SDK1: variants seen among roughly 807,000 people sequenced by gnomAD.
SDK1 encodes the protein sidekick cell adhesion molecule 1, also known as protein sidekick-1.
Under a neutral mutation model 245.5 loss-of-function variants are expected in SDK1, and 157 were observed. The ratio of observed to expected loss-of-function variants is 0.64; its 90% CI spans 0.56 to 0.73. The LOEUF (loss-of-function observed/expected upper bound fraction) is 0.73, where lower values mean the gene tolerates loss of function less well. Ranked by LOEUF, SDK1 falls within the 30% of genes least tolerant of loss-of-function variation. SDK1 has a pLI of 0.00. For missense variants in SDK1, 3,583 were observed against 3,002.3 expected (o/e 1.19, Z -4.52); for synonymous variants, 1,647 against 1,278.5 (o/e 1.29, Z -6.15).
intron 19 of SDK1, among the ~76,000 whole-genome samples, chr7:4,066,467 C>T (rs753064285): frequency 3.3e-5 from 5 of 152,196 alleles, no homozygotes; most frequent in Non-Finnish European, 7.3e-5. Context: ...ACGCCAGCCT[C>T]CCCAAAAGCG....
chr7:3,813,165 G>C (rs905853421), intron 4 of SDK1, among the ~76,000 whole-genome samples: 1 of 149,902 alleles, frequency 6.7e-6, no homozygotes, highest in Non-Finnish European at 1.5e-5. Flanking sequence ...CATTGTGCAG[G>C]TTAGTTACAT....
At chr7:3,551,624 T>C (rs1308506971) in intron 1 of SDK1, among the ~76,000 whole-genome samples, 1 of 152,128 alleles carries the variant, frequency 6.6e-6, no homozygotes, top group African/African-American at 2.4e-5. Context: ...AACATCAATT[T>C]GGCTGACCTT....
intron 17 of SDK1, among the ~76,000 whole-genome samples, chr7:4,031,965 T>C (rs1787851357): frequency 1.3e-5 from 2 of 150,438 alleles, no homozygotes; most frequent in Admixed American, 1.3e-4. Flanking sequence ...AGGCAGAGGT[T>C]GCAGTGAGTT....
At chr7:3,491,829 A>G (rs1235111740) in intron 1 of SDK1, among the ~76,000 whole-genome samples, 1 of 152,250 alleles carries the variant, frequency 6.6e-6, no homozygotes, top group Non-Finnish European at 1.5e-5. Context: ...TAATCAAAGT[A>G]TAAAGTATCC....
chr7:3,496,971 A>G (rs1358218063), intron 1 of SDK1, among the ~76,000 whole-genome samples: 2 of 152,130 alleles, frequency 1.3e-5, no homozygotes, highest in African/African-American at 4.8e-5. Context: ...TTTAATTTCT[A>G]TCCCTCCACA....
At chr7:3,537,656 C>G (rs989174818) in intron 1 of SDK1, among the ~76,000 whole-genome samples, 2 of 152,192 alleles carry the variant, frequency 1.3e-5, no homozygotes, top group African/African-American at 2.4e-5. Context: ...AGATACTGTT[C>G]TAAGCAGGCT....
chr7:3,911,518 A>C (rs1392029724), intron 5 of SDK1, among the ~76,000 whole-genome samples: 1 of 152,156 alleles, frequency 6.6e-6, no homozygotes, highest in Non-Finnish European at 1.5e-5. Context: ...TACCTGAGGA[A>C]GGGCACTAAT....
At chr7:3,561,929 T>C (rs1471750020) in intron 1 of SDK1, among the ~76,000 whole-genome samples, 1 of 152,262 alleles carries the variant, frequency 6.6e-6, no homozygotes, top group Non-Finnish European at 1.5e-5. Context: ...AATGCACATT[T>C]GCTTTCATTT....
chr7:3,956,804 G>T (rs915211633), intron 7 of SDK1, among the ~76,000 whole-genome samples: 4 of 152,110 alleles, frequency 2.6e-5, no homozygotes, highest in African/African-American at 9.7e-5. Flanking sequence ...GCATCGTCTG[G>T]GCCTGGAGGT....
rs372350055 is a variant in SDK1 at position 4,149,359 on chromosome 7, C to T, written c.4521C>T (p.Ser1507=). 4.4e-6 allele frequency: 7 copies of T among 1,592,826 alleles called. No homozygotes were observed. Among genetic ancestry groups the T allele is most frequent in the Non-Finnish European group, 8.5e-7 (1 of 1,170,082 alleles). Residue 1507 remains serine (S), a synonymous_variant, in exon 30 of 45, where the codon TCC becomes TCT. Transcript: ENST00000404826. ...LQWVPGSDGA[S]PIRYFTMQVR... is the part of the protein sequence containing the mutation. The stretch of plus-strand genomic sequence containing the variant: ...GGGTCCCGGGCAGCGACGGGGCCTC[C>T]CCCATCCGGTACTTCACCATGCAGG...
Position 4,051,746 on chromosome 7 carries a change from G to A in SDK1, c.2827G>A (p.Ala943Thr), listed in dbSNP as rs773030910. The change falls in exon 19 of 45, where the codon GCC becomes ACC. Residue 943 changes from alanine (A) to threonine (T), a missense_variant. Ala to Thr is a moderately conservative substitution (Grantham distance 58). Coordinates refer to ENST00000404826, the MANE Select transcript of SDK1 (RefSeq NM_152744.4). The stretch of plus-strand genomic sequence containing the variant: ...CATAACGAACCTGAAGAAGTTTACC[G>A]CCTACTTCACTTCCGTTCTGTGCTT... ...GHITNLKKFT[A>T]YFTSVLCFTT... The A allele has an allele frequency of 2.5e-6, 4 of 1,613,806 alleles. No homozygotes were observed. The highest frequency in any genetic ancestry group is 2.2e-5 in the South Asian group (2 of 91,026).
intron 17 of SDK1, among the ~76,000 whole-genome samples, chr7:4,041,590 C>T (rs1788642595): frequency 6.6e-6 from 1 of 152,100 alleles, no homozygotes; most frequent in Admixed American, 6.6e-5. Flanking sequence ...AACCCCCATG[C>T]TCCTCCTGTT....
chr7:3,607,986 A>G (rs920478135), intron 1 of SDK1, among the ~76,000 whole-genome samples: 3 of 152,246 alleles, frequency 2.0e-5, no homozygotes, highest in African/African-American at 7.2e-5. Flanking sequence ...TCATCAGAAT[A>G]GACCTTTGTA....
At chr7:4,166,046 C>T (rs1466668475) in intron 32 of SDK1, among the ~76,000 whole-genome samples, 3 of 152,190 alleles carry the variant, frequency 2.0e-5, no homozygotes, top group Admixed American at 6.5e-5. Flanking sequence ...TCCTTGACCT[C>T]CCAAAGTGCT....
rs532978970 is a variant in SDK1 at position 3,971,805 on chromosome 7, T to C, written c.1817+237T>C. Among the ~76,000 whole-genome samples the C allele has an allele frequency of 7.9e-5, 12 of 152,326 alleles. No individual in the cohort carries two copies. The East Asian group carries it at 2.3e-3, about 29-fold the overall frequency. ...CACTTCATGACGTTAATGCTGCTTT[T>C]CATGATTTTTCCTGCCAAGGTTAAT... On this transcript the variant is annotated intron_variant, in intron 12 of 44. Transcript: ENST00000404826.
chr7:3,880,581 G>C, intron 5 of SDK1, among the ~76,000 whole-genome samples: 1 of 115,742 alleles, frequency 8.6e-6, no homozygotes, highest in Middle Eastern at 6.3e-3. Context: ...AGAACATGCA[G>C]ACAGGTGAAA....
chr7:4,003,728 T>G (rs1373524565), intron 14 of SDK1, among the ~76,000 whole-genome samples: 1 of 152,238 alleles, frequency 6.6e-6, no homozygotes, highest in Non-Finnish European at 1.5e-5. Flanking sequence ...GATCTGTGCC[T>G]AGGGCTAGAC....
intron 4 of SDK1, among the ~76,000 whole-genome samples, chr7:3,759,600 A>G (rs995894032): frequency 6.8e-6 from 1 of 148,104 alleles, no homozygotes; most frequent in Non-Finnish European, 1.5e-5. Flanking sequence ...TATTATTATT[A>G]TTATTATTAT....
At chr7:4,077,365 C>G (rs1780755263) in intron 21 of SDK1, among the ~76,000 whole-genome samples, 176 bp downstream of exon 21, 1 of 152,218 alleles carries the variant, frequency 6.6e-6, no homozygotes, top group Non-Finnish European at 1.5e-5. Context: ...GCCCCATTCT[C>G]CAGAGCATTC....
Sources: gnomAD v4.1 joint callset for allele counts (sites outside exome capture counted in the v4.1 genomes callset) on GRCh38, gnomAD v4.1.1 for gene constraint, MANE v1.5 for transcripts, NCBI Gene and HGNC (gene_info 2026-07-23, HGNC 2026-07-21) for gene names.